ZBTB7C: variants seen among roughly 807,000 people sequenced by gnomAD.
ZBTB7C encodes the protein zinc finger and BTB domain-containing protein 7C.
ZBTB7C carries 8 observed loss-of-function variants against 25.7 expected under a neutral mutation model. The ratio of observed to expected loss-of-function variants is 0.31; its 90% CI spans 0.18 to 0.56. ZBTB7C has a LOEUF of 0.56. Among genes scored for constraint, ZBTB7C ranks in the 20% least tolerant of loss-of-function variants. The probability of loss-of-function intolerance (pLI) is 0.91; values close to 1 mark genes in which losing one functional copy is unlikely to be tolerated. For synonymous variants in ZBTB7C, 394 were observed against 369.0 expected, an observed-to-expected ratio of 1.07 and a Z score of -0.78; for missense variants, 824 against 855.2, an observed-to-expected ratio of 0.96 and a Z score of 0.46.
chr18:48,074,089 C>T (rs984454766), intron 3 of ZBTB7C, among the ~76,000 whole-genome samples: 1 of 151,526 alleles, frequency 6.6e-6, no homozygotes, highest in African/African-American at 2.4e-5. Context: ...TCTCAGCTCA[C>T]TGCAACCTCC....
intron 2 of ZBTB7C, among the ~76,000 whole-genome samples, chr18:48,283,521 G>A (rs1162857990): frequency 2.0e-5 from 3 of 152,176 alleles, no homozygotes; most frequent in Non-Finnish European, 2.9e-5. Flanking sequence ...TTGCCAGGCA[G>A]TGGAGGTAGT....
chr18:48,086,384 C>A (rs1273964797), intron 3 of ZBTB7C, among the ~76,000 whole-genome samples: 1 of 152,158 alleles, frequency 6.6e-6, no homozygotes, highest in Non-Finnish European at 1.5e-5. Flanking sequence ...AGAGTTGAAA[C>A]TGAATTTCAG....
chr18:48,361,487 C>T lies in ZBTB7C; in HGVS notation c.-303-23089G>A, dbSNP rs142194080. On this transcript the variant is annotated intron_variant, in intron 1 of 4. Coordinates refer to ENST00000590800, the MANE Select transcript of ZBTB7C (RefSeq NM_001318841.2). ...AAATCTAATGCACTCTTTTATTTGA[C>T]ATTGCCAAATATACCCAGGATCAGG... Among the ~76,000 whole-genome samples the T allele has an allele frequency of 6.6e-4, 100 of 152,306 alleles. No individual in the cohort carries two copies. In the East Asian group the frequency reaches 0.017, roughly 26 times the overall value.
chr18:48,137,278 G>T lies in ZBTB7C; in HGVS notation c.-17+48656C>A, dbSNP rs551634376. Reference sequence around the variant, plus strand: ...GCAGGACAGGACGATCTCACCACTCGCGCGTTACGCTTCACTTTATGACAC... The same window carrying T: ...GCAGGACAGGACGATCTCACCACTCTCGCGTTACGCTTCACTTTATGACAC... On this transcript the variant is annotated intron_variant, in intron 3 of 4. Coordinates refer to ENST00000590800, the MANE Select transcript of ZBTB7C (RefSeq NM_001318841.2). 1.0e-4 allele frequency: 103 copies of T among 985,474 alleles called. No individual in the cohort carries two copies. In the African/African-American group the frequency reaches 1.7e-3, roughly 17 times the overall value. 61.0% of individuals were successfully genotyped at this position (985,474 alleles called of 1,614,324 possible).
chr18:48,204,816 C>A (rs990206958), intron 2 of ZBTB7C, among the ~76,000 whole-genome samples: 1 of 152,196 alleles, frequency 6.6e-6, no homozygotes, highest in African/African-American at 2.4e-5. Context: ...GCCAGAGGCT[C>A]CCATGGAAAC....
chr18:48,033,025 C>A (rs1050612912), intron 4 of ZBTB7C, among the ~76,000 whole-genome samples: 4 of 152,144 alleles, frequency 2.6e-5, no homozygotes, highest in African/African-American at 9.7e-5. Context: ...AGAGGTAGGG[C>A]CCCTCCAGGA....
chr18:48,054,373 C>A (rs1181284237), intron 3 of ZBTB7C, among the ~76,000 whole-genome samples: 86 of 152,184 alleles, frequency 5.7e-4, no homozygotes. Flanking sequence ...CTACCCCAGA[C>A]CTCCATGTGG....
At chr18:48,327,625 G>A (rs2046250656) in intron 2 of ZBTB7C, among the ~76,000 whole-genome samples, 1 of 152,170 alleles carries the variant, frequency 6.6e-6, no homozygotes, top group South Asian at 2.1e-4. Context: ...ACCTGGCATT[G>A]CTAAGCCACA....
intron 2 of ZBTB7C, among the ~76,000 whole-genome samples, chr18:48,315,710 C>T (rs1568371065): frequency 6.6e-6 from 1 of 152,166 alleles, no homozygotes; most frequent in Non-Finnish European, 1.5e-5. Flanking sequence ...CAGGGGGCTG[C>T]ACAATTGTGC....
At chr18:48,222,904 G>C (rs1019080541) in intron 2 of ZBTB7C, among the ~76,000 whole-genome samples, 3 of 152,158 alleles carry the variant, frequency 2.0e-5, no homozygotes, top group Non-Finnish European at 4.4e-5. Context: ...CAGAGGAGAG[G>C]GGAAGAGGCA....
intron 3 of ZBTB7C, among the ~76,000 whole-genome samples, chr18:48,078,922 A>C (rs1050537331): frequency 1.3e-5 from 2 of 152,102 alleles, no homozygotes; most frequent in African/African-American, 4.8e-5. Flanking sequence ...CTGAATGCAT[A>C]TATCACAATT....
At chr18:48,212,857 G>T (rs1217593433) in intron 2 of ZBTB7C, among the ~76,000 whole-genome samples, 1 of 152,076 alleles carries the variant, frequency 6.6e-6, no homozygotes, top group East Asian at 1.9e-4. Flanking sequence ...CAGGTGTGGG[G>T]AAGGAGAATA....
chr18:48,195,009 A>C (rs1599077710), intron 2 of ZBTB7C, among the ~76,000 whole-genome samples: 1 of 152,248 alleles, frequency 6.6e-6, no homozygotes, highest in East Asian at 1.9e-4. Flanking sequence ...CAAAAATGTA[A>C]TCTCTGCGTA....
intron 2 of ZBTB7C, among the ~76,000 whole-genome samples, chr18:48,191,763 G>T (rs1260255727): frequency 1.3e-5 from 2 of 152,188 alleles, no homozygotes; most frequent in Non-Finnish European, 2.9e-5. Flanking sequence ...AGTCTGCAGT[G>T]ACAGGGAGGC....
chr18:48,278,016 T>A (rs1302220755), intron 2 of ZBTB7C, among the ~76,000 whole-genome samples: 1 of 152,136 alleles, frequency 6.6e-6, no homozygotes, highest in Non-Finnish European at 1.5e-5. Context: ...GATTATTTCC[T>A]GTGATAGACT....
rs1274814745 is a variant in ZBTB7C, at chr18:48,039,460, A to G, written c.1208+440T>C. 2.0e-5 allele frequency among the ~76,000 whole-genome samples: 3 copies of G among 152,292 alleles called. No individual in the cohort carries two copies. In the East Asian group the frequency reaches 5.8e-4, roughly 29 times the overall value. ...TAAGCATGTACTTAAGGTGCCGAGGACGGCCCCTGGCATGCAGAATATGCT... is the reference window on the plus strand; with the variant it reads ...TAAGCATGTACTTAAGGTGCCGAGGGCGGCCCCTGGCATGCAGAATATGCT... On this transcript the variant is annotated intron_variant, in intron 4 of 4. Transcript: ENST00000590800.
At chr18:48,109,282 C>T (rs536488001) in intron 3 of ZBTB7C, among the ~76,000 whole-genome samples, 15 of 152,298 alleles carry the variant, frequency 9.8e-5, no homozygotes, top group Middle Eastern at 3.4e-3. Context: ...CCCCTGCCTT[C>T]GGGTTCCCAA....
At chr18:48,072,942 A>G (rs181973303) in intron 3 of ZBTB7C, among the ~76,000 whole-genome samples, 252 of 152,272 alleles carry the variant, frequency 1.7e-3, no homozygotes, top group African/African-American at 5.7e-3. Flanking sequence ...TTCCCCCTCC[A>G]GGCCACAGCC....
At chr18:48,196,110 T>C (rs1209392793) in intron 2 of ZBTB7C, among the ~76,000 whole-genome samples, 2 of 152,134 alleles carry the variant, frequency 1.3e-5, no homozygotes, top group Admixed American at 6.5e-5. Flanking sequence ...GCTGGTAAAT[T>C]TGGCAAGACA....
Sources: allele counts gnomAD v4.1 joint callset (sites outside exome capture counted in the v4.1 genomes callset), GRCh38; gene constraint gnomAD v4.1.1; transcripts MANE v1.5; gene names NCBI Gene and HGNC (gene_info 2026-07-23, HGNC 2026-07-21).